ROS1: variants seen among roughly 807,000 people sequenced by gnomAD.
ROS1 encodes the protein proto-oncogene tyrosine-protein kinase ROS.
In ROS1, 263 loss-of-function variants were observed where a neutral mutation model predicts 273.5. The observed-to-expected ratio is 0.96, with a 90% confidence interval of 0.87 to 1.06. ROS1 has a LOEUF of 1.06. ROS1 is among the 50% of genes least tolerant of loss of function. The pLI is 0.00. For missense variants in ROS1, 2,833 were observed against 2,751.1 expected, an observed-to-expected ratio of 1.03 and a Z score of -0.67; for synonymous variants, 1,008 against 954.1, an observed-to-expected ratio of 1.06 and a Z score of -1.04.
Position 117,391,436 on chromosome 6 carries a change from TGAG to T in ROS1, c.1290-1593_1290-1591del, listed in dbSNP as rs897107665. Among the ~76,000 whole-genome samples, 5 of 150,386 alleles carry T rather than the reference TGAG, an allele frequency of 3.3e-5. No individual in the cohort carries two copies. In the South Asian group the frequency reaches 6.3e-4, roughly 19 times the overall value. On this transcript the variant is annotated intron_variant, in intron 12 of 43. Coordinates refer to ENST00000368507, the MANE Select transcript of ROS1 (RefSeq NM_001378902.1). ...GGTGCATGGGAAGAGGAGGACAGAG[TGAG>T]GAGGAGAAGCTGGGGTGGAAGAAGA...
rs1278454013 is a variant in ROS1, at chr6:117,341,573, A to G, written c.4711T>C (p.Ser1571Pro). The G allele has an allele frequency of 6.2e-7, 1 of 1,613,662 alleles. No individual in the cohort carries two copies. Among genetic ancestry groups the G allele is most frequent in the Non-Finnish European group, 8.5e-7 (1 of 1,179,780 alleles). Residue 1571 changes from serine to proline, a missense_variant, in exon 30 of 44, where the codon TCT becomes CCT. Physicochemically the swap from Ser to Pro is moderately conservative, Grantham distance 74. Coordinates refer to ENST00000368507, the MANE Select transcript of ROS1 (RefSeq NM_001378902.1). ...TTTGGCTTGTGAGATTCTCTCCAAG[A>G]TATAATGAGGCTGGTGTCTGACCGC... Reference protein sequence around the residue: ...TVRSDTSLIISWRESHKPNGP... With the variant: ...TVRSDTSLIIPWRESHKPNGP...
intron 42 of ROS1, among the ~76,000 whole-genome samples, chr6:117,306,389 A>G (rs184673524): frequency 2.0e-5 from 3 of 152,214 alleles, no homozygotes; most frequent in African/African-American, 7.2e-5. Context: ...ACTGTGATAT[A>G]TCTGTTATAA....
chr6:117,325,286 G>A (rs1309855542), intron 34 of ROS1, among the ~76,000 whole-genome samples: 2 of 152,120 alleles, frequency 1.3e-5, no homozygotes, highest in East Asian at 3.9e-4. Flanking sequence ...TCAATTGGCA[G>A]AAAATAAATA....
At chr6:117,407,384 AC>A (rs371778529) in intron 5 of ROS1, among the ~76,000 whole-genome samples, 42 of 152,372 alleles carry the variant, frequency 2.8e-4, no homozygotes, top group African/African-American at 9.1e-4. Context: ...TAGAGAGTTA[AC>A]ACACTAAGGC....
rs199825447 is a variant in ROS1 at position 117,288,610 on chromosome 6, G to A, written c.6908C>T (p.Pro2303Leu). 1.9e-6 allele frequency: 3 copies of A among 1,614,132 alleles called. No individual in the cohort carries two copies. Among genetic ancestry groups the A allele is most frequent in the Middle Eastern group, 1.6e-4 (1 of 6,062 alleles). The stretch of plus-strand genomic sequence containing the variant: ...TTGGCAGAAATCTTTGTCTGCATGT[G>A]GTTCCTTCTCTTCTTTCCTCAGACC... ...SCGLRKEEKEPHADKDFCQEK... is the reference protein window; with the variant it reads ...SCGLRKEEKELHADKDFCQEK... Residue 2303 changes from proline (P) to leucine (L), a missense_variant, in exon 44 of 44, where the codon CCA becomes CTA. By Grantham distance (98) the Pro-to-Leu change is moderately conservative. Transcript: ENST00000368507.
intron 18 of ROS1, among the ~76,000 whole-genome samples, chr6:117,369,836 G>A (rs890067837): frequency 2.0e-5 from 3 of 152,062 alleles, no homozygotes; most frequent in African/African-American, 4.8e-5. Flanking sequence ...GTGTTTATGT[G>A]CTTATAGGCA....
chr6:117,393,078 C>T (rs1172147824), intron 12 of ROS1, 146 bp downstream of exon 12: 1 of 686,244 alleles, frequency 1.5e-6, no homozygotes, highest in Admixed American at 2.4e-5. Context: ...AGAATGAAAA[C>T]TTTGCCTGAA....
chr6:117,295,593 G>C (rs1384520304), intron 43 of ROS1, among the ~76,000 whole-genome samples: 1 of 152,168 alleles, frequency 6.6e-6, no homozygotes, highest in Non-Finnish European at 1.5e-5. Context: ...CTACCCATCT[G>C]ACAAGGGGTT....
chr6:117,344,613 G>A (rs193113527), intron 27 of ROS1, among the ~76,000 whole-genome samples: 3 of 152,078 alleles, frequency 2.0e-5, no homozygotes, highest in Non-Finnish European at 4.4e-5. Context: ...CATGTGACAC[G>A]GTCTGGTTAG....
intron 35 of ROS1, among the ~76,000 whole-genome samples, chr6:117,322,671 A>T (rs1238475329): frequency 6.6e-6 from 1 of 152,184 alleles, no homozygotes; most frequent in East Asian, 1.9e-4. Flanking sequence ...ATAACTGATG[A>T]GTGCCCTCAG....
intron 7 of ROS1, among the ~76,000 whole-genome samples, chr6:117,402,934 C>G (rs1213711767): frequency 6.6e-6 from 1 of 151,780 alleles, no homozygotes; most frequent in Non-Finnish European, 1.5e-5. Context: ...AAAGTGAGCT[C>G]CACAGGAGCA....
At chr6:117,324,798 T>C (rs1195515881) in intron 34 of ROS1, among the ~76,000 whole-genome samples, 1 of 152,126 alleles carries the variant, frequency 6.6e-6, no homozygotes, top group Non-Finnish European at 1.5e-5. Context: ...ATTTCATGGA[T>C]ATTAAACTGA....
chr6:117,319,101 A>G (rs1442837041), intron 37 of ROS1, among the ~76,000 whole-genome samples: 1 of 152,190 alleles, frequency 6.6e-6, no homozygotes, highest in East Asian at 1.9e-4. Context: ...ATAAATCTCT[A>G]ATAAGCAGAG....
At chr6:117,412,445 T>A (rs1022652179) in intron 4 of ROS1, among the ~76,000 whole-genome samples, 3 of 152,162 alleles carry the variant, frequency 2.0e-5, no homozygotes, top group African/African-American at 7.2e-5. Context: ...AAGTTCTATT[T>A]CACTGAGCTA....
intron 32 of ROS1, among the ~76,000 whole-genome samples, chr6:117,331,062 C>T (rs545897364): frequency 3.7e-4 from 56 of 152,288 alleles, no homozygotes; most frequent in Non-Finnish European, 7.1e-4. Flanking sequence ...GGAGTATGTT[C>T]TAACCCAATG....
In ROS1 at chr6:117,403,190, G is replaced by A. The variant is rs1213545938; in HGVS notation, c.553C>T (p.Leu185=). 6.2e-7 allele frequency: 1 copy of A among 1,613,392 alleles called. No individual in the cohort carries two copies. Among genetic ancestry groups the A allele is most frequent in the Non-Finnish European group, 8.5e-7 (1 of 1,179,854 alleles). Residue 185 remains leucine (L), a synonymous_variant, in exon 7 of 44, where the codon CTG becomes TTG. Coordinates refer to ENST00000368507, the MANE Select transcript of ROS1 (RefSeq NM_001378902.1). ...GGACTTGGAGGGGAGTAGAGCTGCA[G>A]CTGCGCTGTGAAGATCCAAACCACT... ...FRVVWIFTAQ[L]QLYSPPSPSY...
At chr6:117,352,070 G>A (rs1259511282) in intron 27 of ROS1, among the ~76,000 whole-genome samples, 1 of 152,020 alleles carries the variant, frequency 6.6e-6, no homozygotes, top group Admixed American at 6.6e-5. Flanking sequence ...TACCAATGAG[G>A]CCATGCAATT....
intron 2 of ROS1, 46 bp from the exon 3 acceptor site, chr6:117,416,363 G>A: frequency 7.0e-6 from 9 of 1,288,808 alleles, no homozygotes; most frequent in Non-Finnish European, 1.0e-5. Context: ...GAAGAAATGT[G>A]ACTTTTTCTT....
intron 15 of ROS1, 108 bp downstream of exon 15, chr6:117,386,780 AC>A (rs1490440062): frequency 1.9e-6 from 1 of 537,388 alleles, no homozygotes; most frequent in Non-Finnish European, 3.4e-6. Context: ...TTTTCCTTTC[AC>A]TATTGACCAA....
Sources: gnomAD v4.1 joint callset for allele counts (sites outside exome capture counted in the v4.1 genomes callset) on GRCh38, gnomAD v4.1.1 for gene constraint, MANE v1.5 for transcripts, NCBI Gene and HGNC (gene_info 2026-07-23, HGNC 2026-07-21) for gene names.